The following CSMD1 variants were observed in gnomAD, a reference collection of about 807,000 sequenced individuals.
CSMD1 encodes the protein CUB and sushi domain-containing protein 1.
CSMD1 carries 213 observed loss-of-function variants against 417.5 expected under a neutral mutation model. The ratio of observed to expected loss-of-function variants is 0.51; its 90% CI spans 0.46 to 0.57. CSMD1 has a LOEUF of 0.57. CSMD1 is among the 20% of genes least tolerant of loss of function. The pLI is 0.00. For missense variants in CSMD1, 6,923 were observed against 4,529.7 expected (o/e 1.53, Z -15.17); for synonymous variants, 2,862 against 1,736.8 (o/e 1.65, Z -16.11).
chr8:3,420,366 A>C (rs1033200861), intron 12 of CSMD1, among the ~76,000 whole-genome samples: 8 of 151,948 alleles, frequency 5.3e-5, no homozygotes, highest in African/African-American at 1.9e-4. Context: ...CAGATGAGGC[A>C]AGACAATTAA....
chr8:4,471,612 A>T (rs1485958119), intron 2 of CSMD1, among the ~76,000 whole-genome samples: 1 of 152,090 alleles, frequency 6.6e-6, no homozygotes, highest in Non-Finnish European at 1.5e-5. Flanking sequence ...AACCCAGAAC[A>T]TTACACCTAA....
At chr8:3,740,453 C>T (rs766311013) in intron 6 of CSMD1, among the ~76,000 whole-genome samples, 5 of 152,134 alleles carry the variant, frequency 3.3e-5, no homozygotes, top group Non-Finnish European at 7.3e-5. Context: ...TAGACTTTTG[C>T]AGGAGAACTC....
At chr8:4,729,904 C>T (rs181918162) in intron 1 of CSMD1, among the ~76,000 whole-genome samples, 3 of 152,094 alleles carry the variant, frequency 2.0e-5, no homozygotes, top group Admixed American at 6.6e-5. Flanking sequence ...GAAACTTCAG[C>T]GGGAGTTTTG....
chr8:3,514,546 A>C (rs964051712), intron 10 of CSMD1, among the ~76,000 whole-genome samples: 2 of 152,176 alleles, frequency 1.3e-5, no homozygotes, highest in African/African-American at 2.4e-5. Context: ...TCACAAATAA[A>C]TAATATGTTA....
Position 3,287,820 on chromosome 8 carries a change from C to T in CSMD1, c.3951-3474G>A, listed in dbSNP as rs184804941. ...TCCTCCAGCTGCCTGATTGCCCTGG[C>T]CAGAACTTCCAACACTATGTTGAAT... On this transcript the variant is annotated intron_variant, in intron 25 of 69. Coordinates refer to ENST00000635120, the MANE Select transcript of CSMD1 (RefSeq NM_033225.6). 3.9e-4 allele frequency among the ~76,000 whole-genome samples: 59 copies of T among 151,522 alleles called. 1 individual carries two copies. The East Asian group carries it at 8.6e-3, about 22-fold the overall frequency.
intron 10 of CSMD1, among the ~76,000 whole-genome samples, chr8:3,555,377 C>T (rs1378487642): frequency 6.6e-6 from 1 of 152,066 alleles, no homozygotes; most frequent in Admixed American, 6.5e-5. Context: ...TGATGACAGT[C>T]TGAACGCTGT....
intron 3 of CSMD1, among the ~76,000 whole-genome samples, chr8:4,064,899 G>C (rs1799166106): frequency 6.6e-6 from 1 of 151,020 alleles, no homozygotes; most frequent in East Asian, 2.0e-4. Context: ...TCACAAAGTG[G>C]TCAATTCCAT....
At chr8:4,184,537 A>AG (rs1370119566) in intron 3 of CSMD1, among the ~76,000 whole-genome samples, 5 of 152,210 alleles carry the variant, frequency 3.3e-5, no homozygotes, top group African/African-American at 1.2e-4. Flanking sequence ...AGCCATAAAA[A>AG]AGGACAAGAT....
intron 1 of CSMD1, among the ~76,000 whole-genome samples, chr8:4,808,182 C>T (rs1426816720): frequency 6.6e-6 from 1 of 152,142 alleles, no homozygotes; most frequent in Non-Finnish European, 1.5e-5. Flanking sequence ...GGGCGGCAGG[C>T]AGATTGGTTT....
chr8:3,706,455 T>G, intron 7 of CSMD1, among the ~76,000 whole-genome samples: 1 of 152,216 alleles, frequency 6.6e-6, no homozygotes, highest in Non-Finnish European at 1.5e-5. Context: ...AAGGTTTCCA[T>G]TCCTCATTTT....
chr8:4,842,553 C>G (rs1257152912), intron 1 of CSMD1, among the ~76,000 whole-genome samples: 1 of 152,168 alleles, frequency 6.6e-6, no homozygotes, highest in African/African-American at 2.4e-5. Context: ...CTAAGGGTCA[C>G]AACGTAGGAG....
rs1246710364 is a variant in CSMD1, at chr8:3,180,698, CA to C, written c.5725+411del. ...TCACCCGGGCTGGTGTGCAGTGGTGCAATCTTGGCTCATGGCAACCTCTGCC... is the reference window on the plus strand; with the variant it reads ...TCACCCGGGCTGGTGTGCAGTGGTGCATCTTGGCTCATGGCAACCTCTGCC... On this transcript the variant is annotated intron_variant, in intron 37 of 69. Coordinates refer to ENST00000635120, the MANE Select transcript of CSMD1 (RefSeq NM_033225.6). 7.9e-5 allele frequency among the ~76,000 whole-genome samples: 12 copies of C among 152,228 alleles called. No individual in the cohort carries two copies. The East Asian group carries it at 2.3e-3, about 29-fold the overall frequency.
chr8:4,245,410 T>G (rs1437413173), intron 3 of CSMD1, among the ~76,000 whole-genome samples: 1 of 152,094 alleles, frequency 6.6e-6, no homozygotes, highest in African/African-American at 2.4e-5. Context: ...ACTCTGATGA[T>G]GCAAAGGGAG....
intron 55 of CSMD1, among the ~76,000 whole-genome samples, chr8:2,977,114 CTTTAT>C (rs1414694233): frequency 1.3e-5 from 2 of 151,562 alleles, no homozygotes; most frequent in Non-Finnish European, 2.9e-5. Flanking sequence ...TATTTTTTAT[CTTTAT>C]TTAAGTTCTG....
At chr8:4,228,549 G>T (rs1418698805) in intron 3 of CSMD1, among the ~76,000 whole-genome samples, 1 of 146,128 alleles carries the variant, frequency 6.8e-6, no homozygotes. Context: ...CCCACTGGCT[G>T]TACTTTTAGT....
At chr8:3,597,327 T>A (rs567475765) in intron 8 of CSMD1, among the ~76,000 whole-genome samples, 9 of 152,156 alleles carry the variant, frequency 5.9e-5, no homozygotes, top group Middle Eastern at 3.4e-3. Flanking sequence ...ACGTTTGGCA[T>A]CTCTGTCTGG....
Position 4,189,253 on chromosome 8 carries a change from C to T in CSMD1, c.416-157154G>A, listed in dbSNP as rs1045234487. 5.3e-5 allele frequency among the ~76,000 whole-genome samples: 8 copies of T among 152,250 alleles called. 1 individual carries two copies. The South Asian group carries it at 8.3e-4, about 16-fold the overall frequency. On this transcript the variant is annotated intron_variant, in intron 3 of 69. Transcript: ENST00000635120. The stretch of plus-strand genomic sequence containing the variant: ...CATAACAGATCTAAGCCCACCTTTG[C>T]CCATCTGTAGAGAAACACTTCCTAT...
chr8:4,801,775 A>AG (rs1798299218), intron 1 of CSMD1, among the ~76,000 whole-genome samples: 5 of 152,162 alleles, frequency 3.3e-5, no homozygotes, highest in Admixed American at 2.0e-4. Flanking sequence ...AAGAAAAAAA[A>AG]ATACAACTGA....
intron 8 of CSMD1, among the ~76,000 whole-genome samples, chr8:3,593,996 G>A (rs1169693480): frequency 6.6e-6 from 1 of 152,190 alleles, no homozygotes; most frequent in Non-Finnish European, 1.5e-5. Flanking sequence ...AAAGACGACA[G>A]TGTTTTTCTA....
Sources: allele counts gnomAD v4.1 joint callset (sites outside exome capture counted in the v4.1 genomes callset), GRCh38; gene constraint gnomAD v4.1.1; transcripts MANE v1.5; gene names NCBI Gene and HGNC (gene_info 2026-07-23, HGNC 2026-07-21).